TSHZ3: variants seen among roughly 807,000 people sequenced by gnomAD.
TSHZ3 encodes teashirt zinc finger homeobox 3.
In TSHZ3, 10 loss-of-function variants were observed where a neutral mutation model predicts 64.5. The ratio of observed to expected loss-of-function variants is 0.16; its 90% CI spans 0.10 to 0.26. TSHZ3 has a LOEUF of 0.26. TSHZ3 is among the 10% of genes least tolerant of loss of function. TSHZ3 has a pLI of 1.00. For missense variants in TSHZ3, 1,242 were observed against 1,421.7 expected, an observed-to-expected ratio of 0.87 and a Z score of 2.03; for synonymous variants, 608 against 593.1, an observed-to-expected ratio of 1.03 and a Z score of -0.36.
intron 5 of TSHZ3, among the ~76,000 whole-genome samples, chr19:31,180,806 T>C (rs1345606300): frequency 2.0e-5 from 3 of 152,178 alleles, no homozygotes; most frequent in Non-Finnish European, 2.9e-5. Flanking sequence ...TTCCTACCAC[T>C]GGGGCCCGGC....
At chr19:31,242,256 G>C (rs189309878) in intron 3 of TSHZ3, among the ~76,000 whole-genome samples, 1 of 152,244 alleles carries the variant, frequency 6.6e-6, no homozygotes, top group Admixed American at 6.5e-5. Flanking sequence ...ATTTATTAAG[G>C]GAATTGGCTC....
At chr19:31,211,374 G>C (rs182696867) in intron 4 of TSHZ3, among the ~76,000 whole-genome samples, 1 of 152,212 alleles carries the variant, frequency 6.6e-6, no homozygotes, top group Non-Finnish European at 1.5e-5. Context: ...GCAACTCATA[G>C]TCTAATGACA....
intron 1 of TSHZ3, among the ~76,000 whole-genome samples, chr19:31,301,032 G>A (rs934348247): frequency 6.6e-6 from 1 of 152,072 alleles, no homozygotes; most frequent in Non-Finnish European, 1.5e-5. Context: ...ACACATTTCA[G>A]GAGCAAAATC....
rs550404870 is a variant in TSHZ3, at chr19:31,238,072, T to A, written n.550+4197A>T. The stretch of plus-strand genomic sequence containing the variant: ...TTGAAAATAATACATATTCTGCAGG[T>A]GTTTGTGGTAGTTCTATAATGTCAA... On this transcript the variant is annotated intron_variant and non_coding_transcript_variant, in intron 3 of 6. Coordinates refer to the TSHZ3 transcript ENST00000651361. Among the ~76,000 whole-genome samples, 89 of 152,246 alleles carry A rather than the reference T, an allele frequency of 5.8e-4. 1 individual carries two copies. Among genetic ancestry groups the A allele is most frequent in the African/African-American group, 1.9e-3 (78 of 41,546 alleles).
intron 1 of TSHZ3, among the ~76,000 whole-genome samples, chr19:31,300,515 T>C (rs1189315750): frequency 6.6e-6 from 1 of 152,094 alleles, no homozygotes; most frequent in Non-Finnish European, 1.5e-5. Context: ...GCTTGGAAAG[T>C]AGCTAGGTTA....
At chr19:31,222,072 T>C (rs1232829502) in intron 4 of TSHZ3, among the ~76,000 whole-genome samples, 2 of 152,198 alleles carry the variant, frequency 1.3e-5, no homozygotes, top group Non-Finnish European at 2.9e-5. Flanking sequence ...TGCAGTCTAT[T>C]TTAAGCCAGG....
chr19:31,299,974 G>A (rs1013790606), intron 1 of TSHZ3, among the ~76,000 whole-genome samples: 4 of 152,188 alleles, frequency 2.6e-5, no homozygotes, highest in Non-Finnish European at 5.9e-5. Context: ...TTGAATTTAA[G>A]ATCAATAATG....
chr19:31,318,868 G>A (rs1034498688), intron 1 of TSHZ3, among the ~76,000 whole-genome samples: 3 of 152,120 alleles, frequency 2.0e-5, no homozygotes, highest in Admixed American at 6.5e-5. Context: ...CAAACGATCC[G>A]GTCACCAATA....
intron 3 of TSHZ3, among the ~76,000 whole-genome samples, chr19:31,235,593 CTTTT>C (rs1315350896): frequency 6.7e-6 from 1 of 148,278 alleles, no homozygotes. Flanking sequence ...TTTTTTCTTT[CTTTT>C]TTCTTTCTTT....
rs762155985 is a variant in TSHZ3 at position 31,241,908 on chromosome 19, G to A, written n.550+361C>T. Reference sequence around the variant, plus strand: ...ACAAGAGAACCAACTGAGCTATTCCGTAAACCTGTGAGGTTCACTGGGCCC... The same window carrying A: ...ACAAGAGAACCAACTGAGCTATTCCATAAACCTGTGAGGTTCACTGGGCCC... On this transcript the variant is annotated intron_variant and non_coding_transcript_variant, in intron 3 of 6. Coordinates refer to the TSHZ3 transcript ENST00000651361. Among the ~76,000 whole-genome samples, 10 of 152,264 alleles carry A rather than the reference G, an allele frequency of 6.6e-5. No homozygotes were observed. In the South Asian group the frequency reaches 8.3e-4, roughly 13 times the overall value.
At chr19:31,189,192 A>G (rs913423716) in intron 5 of TSHZ3, among the ~76,000 whole-genome samples, 1 of 151,554 alleles carries the variant, frequency 6.6e-6, no homozygotes, top group Non-Finnish European at 1.5e-5. Flanking sequence ...TAATTCATCA[A>G]TTTTCTTAAT....
intron 5 of TSHZ3, among the ~76,000 whole-genome samples, chr19:31,173,495 A>G (rs1974564883): frequency 1.3e-5 from 2 of 152,230 alleles, no homozygotes; most frequent in Non-Finnish European, 2.9e-5. Context: ...GCCTCAGGTG[A>G]GGAATATGCT....
At chr19:31,333,884 G>A (rs192780780) in intron 1 of TSHZ3, among the ~76,000 whole-genome samples, 6 of 152,250 alleles carry the variant, frequency 3.9e-5, no homozygotes, top group Admixed American at 2.6e-4. Flanking sequence ...CACAGAACAC[G>A]TCAAGTAATG....
At chr19:31,194,169 G>C (rs190828536) in intron 5 of TSHZ3, among the ~76,000 whole-genome samples, 15 of 152,318 alleles carry the variant, frequency 9.8e-5, no homozygotes, top group Admixed American at 9.8e-4. Context: ...GAGTCTCAGT[G>C]TGGATAAACC....
intron 6 of TSHZ3, among the ~76,000 whole-genome samples, chr19:31,154,360 G>C (rs749350371): frequency 1.3e-5 from 2 of 152,186 alleles, no homozygotes; most frequent in Non-Finnish European, 2.9e-5. Flanking sequence ...GGATGACCCT[G>C]TACCCAAGAC....
At chr19:31,228,298 G>A (rs546897537) in intron 3 of TSHZ3, among the ~76,000 whole-genome samples, 25 of 152,100 alleles carry the variant, frequency 1.6e-4, no homozygotes, top group African/African-American at 6.0e-4. Flanking sequence ...GGTCAAGGTG[G>A]GCAGATTGCT....
intron 4 of TSHZ3, among the ~76,000 whole-genome samples, chr19:31,217,547 T>C (rs1975350126): frequency 6.6e-6 from 1 of 152,240 alleles, no homozygotes; most frequent in Non-Finnish European, 1.5e-5. Flanking sequence ...GGTACAGAGA[T>C]TTCCCATGTG....
At chr19:31,235,050 C>T (rs1290634888) in intron 3 of TSHZ3, among the ~76,000 whole-genome samples, 1 of 152,054 alleles carries the variant, frequency 6.6e-6, no homozygotes, top group East Asian at 1.9e-4. Flanking sequence ...TCCAGCTTTA[C>T]TGTGGTATAC....
At chr19:31,345,359 C>G (rs1328584707) in intron 1 of TSHZ3, among the ~76,000 whole-genome samples, 2 of 152,170 alleles carry the variant, frequency 1.3e-5, no homozygotes, top group Admixed American at 1.3e-4. Flanking sequence ...CAAGAGAGAA[C>G]GGAAAAGCTC....
Sources: allele counts gnomAD v4.1 joint callset (sites outside exome capture counted in the v4.1 genomes callset), GRCh38; gene constraint gnomAD v4.1.1; transcripts MANE v1.5; gene names NCBI Gene and HGNC (gene_info 2026-07-23, HGNC 2026-07-21).